SAMD9L: variants seen among roughly 807,000 people sequenced by gnomAD.
SAMD9L encodes sterile alpha motif domain-containing protein 9-like.
A neutral mutation model predicts 90.7 loss-of-function variants in SAMD9L; 68 were observed. The observed-to-expected ratio is 0.75, with a 90% confidence interval of 0.62 to 0.92. The LOEUF is 0.92. Among genes scored for constraint, SAMD9L ranks in the 40% least tolerant of loss-of-function variants. SAMD9L has a pLI of 0.00. For synonymous variants in SAMD9L, 640 were observed against 630.1 expected, an observed-to-expected ratio of 1.02 and a Z score of -0.23; for missense variants, 1,604 against 1,824.3, an observed-to-expected ratio of 0.88 and a Z score of 2.20.
chr7:93,146,230 A>G (rs1792885627), intron 2 of SAMD9L, among the ~76,000 whole-genome samples, 190 bp from the exon 3 acceptor site: 1 of 152,084 alleles, frequency 6.6e-6, no homozygotes, highest in African/African-American at 2.4e-5. Context: ...CCCTGTTTCC[A>G]GCCACTACAC....
intron 4 of SAMD9L, among the ~76,000 whole-genome samples, chr7:93,140,488 G>T (rs762867180): frequency 6.6e-6 from 1 of 152,172 alleles, no homozygotes; most frequent in African/African-American, 2.4e-5. Flanking sequence ...ATTTCTCTGC[G>T]TTAGTCAACC....
intron 1 of SAMD9L, among the ~76,000 whole-genome samples, 188 bp from the exon 2 acceptor site, chr7:93,147,334 A>G (rs79658481): frequency 0.015 from 2,325 of 152,302 alleles, 71 homozygotes; most frequent in African/African-American, 0.053. Context: ...CTGTTTTGAA[A>G]CAATTGTGAA....
In SAMD9L at chr7:93,132,929, T is replaced by C. The variant is rs1260828946; in HGVS notation, c.3043A>G (p.Ile1015Val). Residue 1015 changes from isoleucine to valine, a missense_variant, in exon 5 of 5, where the codon ATA (isoleucine) becomes GTA (valine). By Grantham distance (29) the Ile-to-Val change is conservative. This residue lies in a region of SAMD9L where 302 missense variants were observed against 314.7 expected (regional missense o/e 0.96). Transcript: ENST00000318238. ...TCATAGAATAAATTCTCTTCTAATA[T>C]ATTCAATGCAATTTGACATTTATCC... ...HLDKCQIALN[I>V]LEENLFYDSG... The C allele has an allele frequency of 6.2e-7, 1 of 1,613,526 alleles. No individual in the cohort carries two copies.
At position 93,132,905 on chromosome 7, in the gene SAMD9L, CAT is replaced by C; in HGVS notation, c.3065_3066del (p.Tyr1022Ter). ...ALNILEENLF[Y>X]DSGIGRDKFQ... ...AATTTGTCTCTTCCTATTCCAGAAT[CAT>C]AGAATAAATTCTCTTCTAATATATT... On this transcript the variant is annotated frameshift_variant, in exon 5 of 5. Coordinates refer to ENST00000318238, the MANE Select transcript of SAMD9L (RefSeq NM_152703.5). LOFTEE classifies it high-confidence loss of function. The C allele has an allele frequency of 6.2e-7, 1 of 1,613,284 alleles. No homozygotes were observed. Among genetic ancestry groups the C allele is most frequent in the Non-Finnish European group, 8.5e-7 (1 of 1,179,492 alleles).
At chr7:93,136,723 T>C (rs1447629430) in intron 4 of SAMD9L, among the ~76,000 whole-genome samples, 1 of 152,258 alleles carries the variant, frequency 6.6e-6, no homozygotes, top group Non-Finnish European at 1.5e-5. Flanking sequence ...TGTACTTTGA[T>C]GAATGGCAAG....
At chr7:93,143,261 A>G (rs1187519671) in intron 4 of SAMD9L, among the ~76,000 whole-genome samples, 1 of 151,450 alleles carries the variant, frequency 6.6e-6, no homozygotes, top group African/African-American at 2.4e-5. Flanking sequence ...AAAGATAAAG[A>G]CTCCACACCC....
At chr7:93,148,142 C>T (rs766766494) in intron 1 of SAMD9L, 52 bp downstream of exon 1, 2 of 152,136 alleles carry the variant, frequency 1.3e-5, no homozygotes, top group Admixed American at 6.5e-5. Flanking sequence ...TAAAAAATAG[C>T]TGTCGCCTCA....
Position 93,135,733 on chromosome 7 carries a change from G to C in SAMD9L, c.239C>G (p.Pro80Arg), listed in dbSNP as rs764538716. ...RSYNKLNSKSPESDNHDPGQL... is the reference protein window; with the variant it reads ...RSYNKLNSKSRESDNHDPGQL... ...TCCCGGATCATGATTGTCACTTTCA[G>C]GGGACTTACTATTCAATTTGTTGTA... Residue 80 changes from proline (P) to arginine (R), a missense_variant, in exon 5 of 5, where the codon CCT (proline) becomes CGT (arginine). Pro to Arg is a moderately radical substitution (Grantham distance 103, BLOSUM62 -2). Around this residue, in one of 7 missense-constraint regions of SAMD9L, gnomAD observed 374 missense variants for 363.6 expected, o/e 1.03. Transcript: ENST00000318238. 1 of 1,613,986 alleles carries C rather than the reference G, an allele frequency of 6.2e-7. No homozygotes were observed. The highest frequency in any genetic ancestry group is 1.7e-5 in the Admixed American group (1 of 59,992).
At chr7:93,142,323 C>T (rs1340497421) in intron 4 of SAMD9L, among the ~76,000 whole-genome samples, 1 of 152,120 alleles carries the variant, frequency 6.6e-6, no homozygotes, top group East Asian at 1.9e-4. Flanking sequence ...CATGAATCAC[C>T]AGGGCCTGAC....
At position 93,134,207 on chromosome 7, in the gene SAMD9L, G is replaced by C; in HGVS notation, c.1765C>G (p.Arg589Gly). 1.2e-6 allele frequency: 2 copies of C among 1,612,724 alleles called. No individual in the cohort carries two copies. The highest frequency in any genetic ancestry group is 1.7e-6 in the Non-Finnish European group (2 of 1,179,312). ...CTTGTTTGTAGTAGATCTTTCCATCGTTGATAAATATGTGAGTTTACAGAG... is the reference window on the plus strand; with the variant it reads ...CTTGTTTGTAGTAGATCTTTCCATCCTTGATAAATATGTGAGTTTACAGAG... ...CISVNSHIYQ[R>G]WKDLLQTRMK... Residue 589 changes from arginine to glycine, a missense_variant, in exon 5 of 5, where the codon CGA becomes GGA. Arg to Gly is a moderately radical substitution (Grantham distance 125). Around this residue, in one of 7 missense-constraint regions of SAMD9L, gnomAD observed 606 missense variants for 717.6 expected, o/e 0.84. Coordinates refer to ENST00000318238, the MANE Select transcript of SAMD9L (RefSeq NM_152703.5).
chr7:93,132,664 A>G lies in SAMD9L; in HGVS notation c.3308T>C (p.Leu1103Pro). The G allele has an allele frequency of 6.2e-7, 1 of 1,613,890 alleles. No individual in the cohort carries two copies. Among genetic ancestry groups the G allele is most frequent in the Non-Finnish European group, 8.5e-7 (1 of 1,179,830 alleles). ...YIKEKDFNTA[L>P]DWARQAKMKA... Reference sequence around the variant, plus strand: ...CATTTTGGCCTGACGTGCCCAGTCCAGAGCTGTGTTAAAGTCCTTCTCTTT... The same window carrying G: ...CATTTTGGCCTGACGTGCCCAGTCCGGAGCTGTGTTAAAGTCCTTCTCTTT... Residue 1103 changes from leucine (L) to proline (P), a missense_variant, in exon 5 of 5, where the codon CTG becomes CCG. By Grantham distance (98) the Leu-to-Pro change is moderately conservative. This residue lies in a region of SAMD9L where 302 missense variants were observed against 314.7 expected (regional missense o/e 0.96). Coordinates refer to ENST00000318238, the MANE Select transcript of SAMD9L (RefSeq NM_152703.5).
At chr7:93,144,710 G>A (rs542505916) in intron 4 of SAMD9L, 22 bp downstream of exon 4, 1 of 152,302 alleles carries the variant, frequency 6.6e-6, no homozygotes, top group African/African-American at 2.4e-5. Flanking sequence ...CTAGGAGGCT[G>A]GGCCTCACTG....
chr7:93,141,989 A>G (rs1792708732), intron 4 of SAMD9L, among the ~76,000 whole-genome samples: 4 of 152,096 alleles, frequency 2.6e-5, no homozygotes. Context: ...CAGTTGTCTT[A>G]CTGTTCCTCA....
Position 93,148,235 on chromosome 7 carries a change from T to G in SAMD9L, c.-1084A>C, listed in dbSNP as rs565906122. 2.6e-5 allele frequency: 4 copies of G among 152,332 alleles called. No individual in the cohort carries two copies. In the East Asian group the frequency reaches 5.8e-4, roughly 22 times the overall value. The allele number at this position is 152,332 out of a possible 1,614,324, so 9.4% of individuals were successfully genotyped here. On this transcript the variant is annotated 5_prime_UTR_variant, in exon 1 of 5. Coordinates refer to ENST00000318238, the MANE Select transcript of SAMD9L (RefSeq NM_152703.5). ...ATGTCATCGTTTTATATCAGAAACTTGAAACAGGCCATTTGAACTTTTGCT... is the reference window on the plus strand; with the variant it reads ...ATGTCATCGTTTTATATCAGAAACTGGAAACAGGCCATTTGAACTTTTGCT...
chr7:93,132,912 T>G lies in SAMD9L; in HGVS notation c.3060A>C (p.Leu1020Phe). ...CTCTTCCTATTCCAGAATCATAGAA[T>G]AAATTCTCTTCTAATATATTCAATG... ...QIALNILEEN[L>F]FYDSGIGRDK... is the part of the protein sequence containing the mutation. Residue 1020 changes from leucine to phenylalanine, a missense_variant, in exon 5 of 5, where the codon TTA becomes TTC. Around this residue, in one of 7 missense-constraint regions of SAMD9L, gnomAD observed 302 missense variants for 314.7 expected, o/e 0.96. Coordinates refer to ENST00000318238, the MANE Select transcript of SAMD9L (RefSeq NM_152703.5). 1 of 1,613,472 alleles carries G rather than the reference T, an allele frequency of 6.2e-7. No homozygotes were observed.
Position 93,130,902 on chromosome 7 carries a change from A to G in SAMD9L, c.*315T>C, listed in dbSNP as rs895988567. On this transcript the variant is annotated 3_prime_UTR_variant, in exon 5 of 5. Transcript: ENST00000318238. ...ATAATTTAGAAAACTTATAAAAGCA[A>G]TTGAGTTTAACACAGATTTTATTGC... 2 of 196,612 alleles carry G rather than the reference A, an allele frequency of 1.0e-5. No individual in the cohort carries two copies. Among genetic ancestry groups the G allele is most frequent in the Non-Finnish European group, 2.0e-5 (2 of 98,374 alleles). 12.2% of individuals were successfully genotyped at this position (196,612 alleles called of 1,614,324 possible).
At chr7:93,141,276 C>T (rs574008091) in intron 4 of SAMD9L, among the ~76,000 whole-genome samples, 3 of 152,316 alleles carry the variant, frequency 2.0e-5, no homozygotes, top group Non-Finnish European at 4.4e-5. Flanking sequence ...GACCTAGCCT[C>T]TTTTCTATCT....
chr7:93,134,558 G>T lies in SAMD9L; in HGVS notation c.1414C>A (p.Gln472Lys), dbSNP rs754186398. The T allele has an allele frequency of 1.2e-6, 2 of 1,613,674 alleles. No individual in the cohort carries two copies. Among genetic ancestry groups the T allele is most frequent in the African/African-American group, 2.7e-5 (2 of 74,868 alleles). ...SRVANLHFPN[Q>K]YEDKTTNMWE... ...ATGTTAGTTGTCTTGTCTTCATATT[G>T]ATTTGGAAAGTGAAGGTTTGCCACC... The change falls in exon 5 of 5, where the codon CAA (glutamine) becomes AAA (lysine). Residue 472 changes from glutamine (Q) to lysine (K), a missense_variant. By Grantham distance (53) the Gln-to-Lys change is moderately conservative. Coordinates refer to ENST00000318238, the MANE Select transcript of SAMD9L (RefSeq NM_152703.5).
At chr7:93,143,459 A>G (rs954049378) in intron 4 of SAMD9L, among the ~76,000 whole-genome samples, 10 of 152,148 alleles carry the variant, frequency 6.6e-5, no homozygotes, top group Non-Finnish European at 1.3e-4. Flanking sequence ...CTCCTAAATG[A>G]TCATTTCATT....
Sources: allele counts gnomAD v4.1 joint callset (sites outside exome capture counted in the v4.1 genomes callset), GRCh38; gene constraint gnomAD v4.1.1; regional missense constraint gnomAD v4.1.1; transcripts MANE v1.5; gene names NCBI Gene and HGNC (gene_info 2026-07-23, HGNC 2026-07-21).